Variants in ZFHX3 observed in about 807,000 individuals in gnomAD.
ZFHX3 encodes the protein zinc finger homeobox protein 3.
ZFHX3 carries 42 observed loss-of-function variants against 279.1 expected under a neutral mutation model. The observed-to-expected ratio is 0.15, with a 90% CI of 0.12 to 0.19. The LOEUF (loss-of-function observed/expected upper bound fraction) is 0.19. Ranked by LOEUF, ZFHX3 falls within the 10% of genes least tolerant of loss-of-function variation. The pLI is 1.00. For synonymous variants in ZFHX3, 2,293 were observed against 1,957.8 expected, an observed-to-expected ratio of 1.17 and a Z score of -4.52; for missense variants, 4,981 against 4,754.0, an observed-to-expected ratio of 1.05 and a Z score of -1.40.
Position 72,788,863 on chromosome 16 carries a change from G to T in ZFHX3, c.9428-15C>A, listed in dbSNP as rs781420383. 7.3e-6 allele frequency: 11 copies of T among 1,516,072 alleles called. No individual in the cohort carries two copies. Among genetic ancestry groups the T allele is most frequent in the Non-Finnish European group, 9.7e-6 (11 of 1,134,240 alleles). 93.9% of individuals were successfully genotyped at this position (1,516,072 alleles called of 1,614,324 possible). On this transcript the variant is annotated splice_polypyrimidine_tract_variant and intron_variant, in intron 9 of 9. Transcript: ENST00000268489. ...AGACGTTAAAGCTGAAAGGAATGGA[G>T]ACAGAAATCACCGGTCAGTCTGGGC...
intron 4 of ZFHX3, chr16:73,318,176 G>A (rs12933138): frequency 0.77 from 117,652 of 152,080 alleles, 46,075 homozygotes; most frequent in African/African-American, 0.86. Context: ...GTGAAAAGTT[G>A]CAAAAACAAA....
intron 2 of ZFHX3, among the ~76,000 whole-genome samples, chr16:73,616,352 G>T (rs1455511544): frequency 6.8e-6 from 1 of 147,016 alleles, no homozygotes; most frequent in African/African-American, 2.5e-5. Flanking sequence ...ATTGGCTGAA[G>T]TCTGTGTCAA....
At chr16:73,776,624 G>A (rs1023497994) in intron 1 of ZFHX3, among the ~76,000 whole-genome samples, 8 of 152,152 alleles carry the variant, frequency 5.3e-5, no homozygotes, top group Non-Finnish European at 1.0e-4. Context: ...TGAAGTGCTC[G>A]AATGCGGCTC....
At chr16:73,532,810 G>A (rs1410425561) in intron 2 of ZFHX3, among the ~76,000 whole-genome samples, 1 of 152,194 alleles carries the variant, frequency 6.6e-6, no homozygotes, top group Admixed American at 6.5e-5. Context: ...CATGGAGGCA[G>A]TTTCCCTCAT....
chr16:73,341,855 A>G (rs2016039305), intron 3 of ZFHX3, among the ~76,000 whole-genome samples: 1 of 152,258 alleles, frequency 6.6e-6, no homozygotes, highest in Non-Finnish European at 1.5e-5. Flanking sequence ...TACATATTGT[A>G]TAAGTCCATT....
At chr16:72,857,635 C>T (rs992499548) in intron 4 of ZFHX3, among the ~76,000 whole-genome samples, 1 of 152,166 alleles carries the variant, frequency 6.6e-6, no homozygotes, top group African/African-American at 2.4e-5. Flanking sequence ...TAGTGAACCG[C>T]GATCGTGCCA....
At chr16:73,656,317 A>AC (rs1316413610) in intron 2 of ZFHX3, among the ~76,000 whole-genome samples, 1 of 152,148 alleles carries the variant, frequency 6.6e-6, no homozygotes, top group South Asian at 2.1e-4. Context: ...CATAATGTTG[A>AC]CCCCCCAAAA....
In ZFHX3 at chr16:72,787,748, C is replaced by T. The variant is rs376628640; in HGVS notation, c.10528G>A (p.Gly3510Ser). The T allele has an allele frequency of 8.6e-5, 122 of 1,417,068 alleles. No individual in the cohort carries two copies. Among genetic ancestry groups the T allele is most frequent in the Non-Finnish European group, 1.1e-4 (119 of 1,084,094 alleles). The allele number at this position is 1,417,068 out of a possible 1,614,324, so 87.8% of individuals were successfully genotyped here. A position where few individuals can be genotyped will look rare whatever the true frequency, so the allele number is the denominator to read the frequency against. ...CCGCCGCCGCCGCCACTGCCACCGC[C>T]GCCGCCGCCGGTGGGGACGTGAAGC... ...MVLHVPTGGG[G>S]GGSGGGGGGG... Residue 3510 changes from glycine (G) to serine (S), a missense_variant, in exon 10 of 10, where the codon GGC becomes AGC. Gly to Ser is a moderately conservative substitution (Grantham distance 56). Coordinates refer to ENST00000268489, the MANE Select transcript of ZFHX3 (RefSeq NM_006885.4).
intron 4 of ZFHX3, among the ~76,000 whole-genome samples, chr16:73,258,114 AGGG>A (rs1567432665): frequency 6.6e-6 from 1 of 152,242 alleles, no homozygotes; most frequent in African/African-American, 2.4e-5. Context: ...AGCACCTTTT[AGGG>A]GCATTGTGCC....
At chr16:73,382,925 A>G (rs192047085) in intron 3 of ZFHX3, among the ~76,000 whole-genome samples, 1 of 152,262 alleles carries the variant, frequency 6.6e-6, no homozygotes, top group Non-Finnish European at 1.5e-5. Flanking sequence ...TGATTATGGA[A>G]AGGGGAGGCA....
At chr16:73,515,761 C>G (rs1164313017) in intron 2 of ZFHX3, among the ~76,000 whole-genome samples, 1 of 152,128 alleles carries the variant, frequency 6.6e-6, no homozygotes, top group Non-Finnish European at 1.5e-5. Flanking sequence ...GAATCTGGGA[C>G]TCTATTTAGG....
intron 4 of ZFHX3, among the ~76,000 whole-genome samples, chr16:72,873,832 AAATATT>A (rs1296446433): frequency 6.6e-6 from 1 of 152,190 alleles, no homozygotes; most frequent in Non-Finnish European, 1.5e-5. Flanking sequence ...CCATATCCTT[AAATATT>A]AATCAAGAAC....
chr16:73,120,942 C>A (rs945971733), intron 7 of ZFHX3, among the ~76,000 whole-genome samples: 3 of 151,952 alleles, frequency 2.0e-5, no homozygotes, highest in African/African-American at 7.3e-5. Flanking sequence ...GTGTGAGCCA[C>A]TGTGCCGGGC....
intron 3 of ZFHX3, among the ~76,000 whole-genome samples, chr16:72,929,855 C>T (rs1213398432): frequency 2.0e-5 from 3 of 152,226 alleles, no homozygotes; most frequent in African/African-American, 7.2e-5. Context: ...AATGCAGTCA[C>T]ATGGATGTGC....
At chr16:73,474,632 C>T (rs980099851) in intron 2 of ZFHX3, among the ~76,000 whole-genome samples, 1 of 152,100 alleles carries the variant, frequency 6.6e-6, no homozygotes, top group African/African-American at 2.4e-5. Context: ...TTTCTTTAGT[C>T]CCCTCTTACA....
At position 73,860,389 on chromosome 16, in the gene ZFHX3, T is replaced by C. The variant is rs1207034591; in HGVS notation, c.-1608+31262A>G. Among the ~76,000 whole-genome samples, 16 of 103,516 alleles carry C rather than the reference T, an allele frequency of 1.5e-4. No homozygotes were observed. The East Asian group carries it at 5.3e-3, about 34-fold the overall frequency. The allele number at this position is 103,516 out of a possible 152,430, so 67.9% of individuals were successfully genotyped here. A position where few individuals can be genotyped will look rare whatever the true frequency, so the allele number is the denominator to read the frequency against. On this transcript the variant is annotated intron_variant, in intron 1 of 17. Transcript: ENST00000641206. ...CTTTCCTTGTTTTTCATTCCCTTAC[T>C]TTTTTTTTTTTTTTGGCAATTTTTC...
Position 72,795,835 on chromosome 16 carries a change from T to C in ZFHX3, c.6847A>G (p.Thr2283Ala). ...EQLSNLLNLP[T>A]RVIVVWFQNA... ...TGAAACCACACCACTATCACTCGGG[T>C]TGGAAGGTTCAGTAAATTAGAGAGT... The change falls in exon 9 of 10, where the codon ACC (threonine) becomes GCC (alanine). Residue 2283 changes from threonine to alanine, a missense_variant. This residue lies in a region of ZFHX3 where 177 missense variants were observed against 244.2 expected (regional missense o/e 0.72). Coordinates refer to ENST00000268489, the MANE Select transcript of ZFHX3 (RefSeq NM_006885.4). The C allele has an allele frequency of 6.2e-7, 1 of 1,614,176 alleles. No homozygotes were observed. The highest frequency in any genetic ancestry group is 8.5e-7 in the Non-Finnish European group (1 of 1,180,040).
At chr16:72,983,035 T>C (rs1485807484) in intron 1 of ZFHX3, among the ~76,000 whole-genome samples, 1 of 152,110 alleles carries the variant, frequency 6.6e-6, no homozygotes, top group African/African-American at 2.4e-5. Flanking sequence ...CACATATCTA[T>C]GTAAAACAGA....
Position 72,844,810 on chromosome 16 carries a change from G to C in ZFHX3, c.3449-14951C>G, listed in dbSNP as rs116197497. Among the ~76,000 whole-genome samples the C allele has an allele frequency of 1.9e-3, 294 of 152,178 alleles. 1 individual carries two copies. Among genetic ancestry groups the C allele is most frequent in the African/African-American group, 7.0e-3 (289 of 41,498 alleles). On this transcript the variant is annotated intron_variant, in intron 4 of 9. Transcript: ENST00000268489. ...GCATTTGTGGCATTGGTATCTTCAG[G>C]CCTGGCTCTGTGTCGAATGAGAGGC... is the stretch of plus-strand genomic sequence containing the variant.
Sources: allele counts gnomAD v4.1 joint callset (sites outside exome capture counted in the v4.1 genomes callset), GRCh38; gene constraint gnomAD v4.1.1; regional missense constraint gnomAD v4.1.1; transcripts MANE v1.5; gene names NCBI Gene and HGNC (gene_info 2026-07-23, HGNC 2026-07-21).